Variants in OCA2 observed in about 807,000 individuals in gnomAD.
OCA2 encodes the protein OCA2 melanosomal transmembrane protein, also known as P protein.
A neutral mutation model predicts 100.2 loss-of-function variants in OCA2; 77 were observed. The ratio of observed to expected loss-of-function variants is 0.77; its 90% CI spans 0.64 to 0.93. The LOEUF (loss-of-function observed/expected upper bound fraction) is 0.93. Among genes scored for constraint, OCA2 ranks in the 40% least tolerant of loss-of-function variants. OCA2 has a pLI of 0.00. For missense variants in OCA2, 1,062 were observed against 1,089.1 expected, an observed-to-expected ratio of 0.98 and a Z score of 0.35; for synonymous variants, 432 against 439.2, an observed-to-expected ratio of 0.98 and a Z score of 0.21.
At chr15:27,947,466 C>T (rs2039880275) in intron 18 of OCA2, among the ~76,000 whole-genome samples, 1 of 152,204 alleles carries the variant, frequency 6.6e-6, no homozygotes, top group Non-Finnish European at 1.5e-5. Flanking sequence ...TTGCACACCC[C>T]TGGGTCCCTC....
chr15:27,936,760 G>T (rs925895208), intron 18 of OCA2, among the ~76,000 whole-genome samples: 6 of 152,098 alleles, frequency 3.9e-5, no homozygotes, highest in African/African-American at 1.4e-4. Context: ...GGCTGTGACT[G>T]CCCAAGATAC....
intron 23 of OCA2, among the ~76,000 whole-genome samples, chr15:27,810,644 C>T (rs1411646338): frequency 6.6e-6 from 1 of 151,998 alleles, no homozygotes; most frequent in African/African-American, 2.4e-5. Flanking sequence ...GACTAGTATC[C>T]AGAATCCATA....
the OCA2 span, among the ~76,000 whole-genome samples, chr15:27,740,038 T>C: frequency 1.3e-5 from 2 of 152,330 alleles, no homozygotes; most frequent in African/African-American, 4.8e-5. Context: ...TTTTTTGTGA[T>C]TGAGTAATAA....
chr15:27,730,766 TA>T, the OCA2 span, among the ~76,000 whole-genome samples: 1 of 121,318 alleles, frequency 8.2e-6, no homozygotes, highest in South Asian at 2.4e-4. Context: ...TATATATATA[TA>T]TATATATATA....
At chr15:27,829,721 C>T (rs999031069) in intron 23 of OCA2, among the ~76,000 whole-genome samples, 4 of 152,312 alleles carry the variant, frequency 2.6e-5, no homozygotes, top group African/African-American at 9.6e-5. Flanking sequence ...CCCTCAGCAT[C>T]GCTAATCTAC....
intron 21 of OCA2, among the ~76,000 whole-genome samples, chr15:27,869,270 C>T (rs2036448688): frequency 6.6e-6 from 1 of 152,216 alleles, no homozygotes; most frequent in African/African-American, 2.4e-5. Context: ...TCAGCACCCC[C>T]ACAGCGGCCA....
At chr15:28,080,259 T>C (rs140567032) in intron 2 of OCA2, among the ~76,000 whole-genome samples, 42 of 152,336 alleles carry the variant, frequency 2.8e-4, no homozygotes, top group African/African-American at 9.6e-4. Context: ...ATACTCAGAA[T>C]ATTCCATATG....
chr15:27,768,234 A>G (rs1290783098), intron 23 of OCA2, among the ~76,000 whole-genome samples: 26 of 152,242 alleles, frequency 1.7e-4, no homozygotes, highest in Admixed American at 1.7e-3. Flanking sequence ...TCTTCCTTAT[A>G]CATTTTGGAA....
At chr15:27,756,069 C>T (rs1368870878) in intron 23 of OCA2, among the ~76,000 whole-genome samples, 1 of 152,244 alleles carries the variant, frequency 6.6e-6, no homozygotes, top group Non-Finnish European at 1.5e-5. Flanking sequence ...AAGCATCCCT[C>T]ATTGTGTGCC....
intron 19 of OCA2, among the ~76,000 whole-genome samples, chr15:27,876,104 A>G (rs934367239): frequency 6.6e-6 from 1 of 152,204 alleles, no homozygotes; most frequent in African/African-American, 2.4e-5. Context: ...TCATGGAAAA[A>G]TAATTAAGTT....
intron 1 of OCA2, among the ~76,000 whole-genome samples, chr15:28,084,249 G>A (rs2044734386): frequency 6.6e-6 from 1 of 152,202 alleles, no homozygotes; most frequent in Non-Finnish European, 1.5e-5. Context: ...CCCAAACTGT[G>A]AGAAATTATG....
intron 19 of OCA2, among the ~76,000 whole-genome samples, chr15:27,897,200 A>AG (rs560714762): frequency 6.6e-6 from 1 of 152,238 alleles, no homozygotes; most frequent in East Asian, 1.9e-4. Flanking sequence ...AAAAAAAAAA[A>AG]AAAAGAAATC....
intron 18 of OCA2, among the ~76,000 whole-genome samples, chr15:27,945,838 C>T (rs537217906): frequency 6.6e-6 from 1 of 152,240 alleles, no homozygotes; most frequent in East Asian, 1.9e-4. Flanking sequence ...GCCTAGGAAA[C>T]AGCTCATCAA....
intron 19 of OCA2, among the ~76,000 whole-genome samples, chr15:27,917,043 C>T (rs1276735324): frequency 2.6e-5 from 4 of 152,078 alleles, no homozygotes; most frequent in African/African-American, 9.7e-5. Context: ...GGAATGGCTG[C>T]TTGGGGTAGG....
chr15:27,845,325 A>C (rs185105646), intron 22 of OCA2, among the ~76,000 whole-genome samples: 1 of 152,138 alleles, frequency 6.6e-6, no homozygotes, highest in Non-Finnish European at 1.5e-5. Context: ...TGGGCAAGTC[A>C]CTGTGGGGCT....
intron 19 of OCA2, among the ~76,000 whole-genome samples, chr15:27,882,695 AT>A (rs200561108): frequency 4.1e-5 from 6 of 146,792 alleles, no homozygotes; most frequent in Admixed American, 2.7e-4. Context: ...GGAGATTATT[AT>A]TTTTTTTTAC....
chr15:27,754,496 G>T (rs1275563187), downstream of OCA2, among the ~76,000 whole-genome samples: 1 of 152,184 alleles, frequency 6.6e-6, no homozygotes, highest in African/African-American at 2.4e-5. Context: ...CCATGATACT[G>T]ATGAGGCAGA....
At chr15:27,768,068 G>C (rs1595375189) in intron 23 of OCA2, among the ~76,000 whole-genome samples, 1 of 152,152 alleles carries the variant, frequency 6.6e-6, no homozygotes, top group East Asian at 1.9e-4. Flanking sequence ...TGGAAAGGCA[G>C]ACTTGCAGCT....
chr15:28,077,933 AG>A (rs2044485680), intron 2 of OCA2, among the ~76,000 whole-genome samples: 1 of 152,152 alleles, frequency 6.6e-6, no homozygotes, highest in Non-Finnish European at 1.5e-5. Context: ...TACAACAATT[AG>A]CCGGATGTGG....
Sources: gnomAD v4.1 joint callset for allele counts (sites outside exome capture counted in the v4.1 genomes callset) on GRCh38, gnomAD v4.1.1 for gene constraint, MANE v1.5 for transcripts, NCBI Gene and HGNC (gene_info 2026-07-23, HGNC 2026-07-21) for gene names.